The following SAMD4B variants were observed in gnomAD, a reference collection of about 807,000 sequenced individuals.
SAMD4B encodes sterile alpha motif domain containing 4B, also known as protein Smaug homolog 2.
SAMD4B carries 5 observed loss-of-function variants against 74.5 expected under a neutral mutation model. The ratio of observed to expected loss-of-function variants is 0.07; its 90% confidence interval spans 0.04 to 0.14. The LOEUF is 0.14. Ranked by LOEUF, SAMD4B falls within the 10% of genes least tolerant of loss-of-function variation. The pLI is 1.00. For missense variants in SAMD4B, 608 were observed against 921.8 expected (o/e 0.66, Z 4.41); for synonymous variants, 373 against 374.9 (o/e 1.00, Z 0.06).
downstream of SAMD4B, among the ~76,000 whole-genome samples, chr19:39,388,167 C>T (rs1230930373): frequency 7.2e-5 from 11 of 152,100 alleles, no homozygotes. Context: ...TTTCTGGCTC[C>T]TCCTGTTAGA....
chr19:39,355,938 G>A (rs1374924219), intron 2 of SAMD4B, among the ~76,000 whole-genome samples: 1 of 152,170 alleles, frequency 6.6e-6, no homozygotes, highest in Non-Finnish European at 1.5e-5. Flanking sequence ...GGCAGGGAGC[G>A]ATTCACCTCA....
At chr19:39,351,973 T>A (rs1482274485) in intron 1 of SAMD4B, 1 of 152,264 alleles carries the variant, frequency 6.6e-6, no homozygotes, top group Non-Finnish European at 1.5e-5. Flanking sequence ...CACAGTGAGA[T>A]GCCTCACCCA....
chr19:39,344,268 C>A (rs887696920), intron 1 of SAMD4B, among the ~76,000 whole-genome samples: 23 of 152,118 alleles, frequency 1.5e-4, no homozygotes, highest in Admixed American at 5.9e-4. Flanking sequence ...ATAATTCTTT[C>A]TGAAAAACCC....
downstream of SAMD4B, chr19:39,389,505 TCTC>T: frequency 6.2e-7 from 1 of 1,614,154 alleles, no homozygotes; most frequent in South Asian, 1.1e-5. This position sits in a 1 kb window ranked among gnomAD's most constrained non-coding sequence, Gnocchi z 5.3. Context: ...GGGGCCTGAA[TCTC>T]CTCTTCCAAA....
intron 3 of SAMD4B, among the ~76,000 whole-genome samples, chr19:39,364,387 A>C (rs2076830361): frequency 6.6e-6 from 1 of 152,196 alleles, no homozygotes; most frequent in Admixed American, 6.5e-5. Context: ...AACACCCGTC[A>C]CTGAGCCACA....
At position 39,383,581 on chromosome 19, in the gene SAMD4B, A is replaced by C; in HGVS notation, c.*54A>C. The C allele has an allele frequency of 6.2e-7, 1 of 1,614,178 alleles. No individual in the cohort carries two copies. The highest frequency in any genetic ancestry group is 1.3e-5 in the African/African-American group (1 of 75,076). On this transcript the variant is annotated 3_prime_UTR_variant, in exon 14 of 14. Transcript: ENST00000610417. This position sits in a 1 kb window ranked among gnomAD's most constrained non-coding sequence, Gnocchi z 4.1. ...GCTCCCTGGGCGGCGGGCGGGGGCCAACCCCCAACGGGCTTCTCCGCGACA... is the reference window on the plus strand; with the variant it reads ...GCTCCCTGGGCGGCGGGCGGGGGCCCACCCCCAACGGGCTTCTCCGCGACA...
rs764516762 is a variant in SAMD4B at position 39,357,034 on chromosome 19, C to T, written c.141C>T (p.His47=). The change falls in exon 3 of 14, where the codon CAC becomes CAT. Residue 47 remains histidine (H), a synonymous_variant. Coordinates refer to ENST00000610417, the MANE Select transcript of SAMD4B (RefSeq NM_001384574.2). Reference sequence around the variant, plus strand: ...GCTTCCTGCAGCTCTGCCTGGAGCACTCACTGGCGGACTGCAATGACATCC... The same window carrying T: ...GCTTCCTGCAGCTCTGCCTGGAGCATTCACTGGCGGACTGCAATGACATCC... ...QARFLQLCLE[H]SLADCNDIHL... 4.3e-6 allele frequency: 7 copies of T among 1,614,048 alleles called. No individual in the cohort carries two copies. Among genetic ancestry groups the T allele is most frequent in the Non-Finnish European group, 5.9e-6 (7 of 1,179,926 alleles).
rs751189639 is a variant in SAMD4B, at chr19:39,375,773, C to T, written c.791C>T (p.Thr264Met). 7.0e-5 allele frequency: 113 copies of T among 1,614,058 alleles called. No homozygotes were observed. Among genetic ancestry groups the T allele is most frequent in the Middle Eastern group, 1.6e-4 (1 of 6,084 alleles). The change falls in exon 5 of 14, where the codon ACG (threonine) becomes ATG (methionine). Residue 264 changes from threonine to methionine, a missense_variant. By Grantham distance (81) the Thr-to-Met change is moderately conservative (BLOSUM62 -1). This residue lies in a region of SAMD4B where 31 missense variants were observed against 43.4 expected (regional missense o/e 0.71). Transcript: ENST00000610417. The surrounding 1 kb of genome is among the most constrained non-coding windows in gnomAD (Gnocchi z 4.1). The stretch of plus-strand genomic sequence containing the variant: ...CTTGGGGCCCGGGCTGCTTTTACCA[C>T]GCCCGATCACGCACCTCTCTCGCCC... ...EELGARAAFTTPDHAPLSPQS... is the reference protein window; with the variant it reads ...EELGARAAFTMPDHAPLSPQS...
chr19:39,352,810 G>T (rs756868038), intron 1 of SAMD4B, among the ~76,000 whole-genome samples: 10 of 152,186 alleles, frequency 6.6e-5, no homozygotes, highest in African/African-American at 9.7e-5. Context: ...CCCAGTAAAA[G>T]AATTTATGGG....
intron 3 of SAMD4B, 88 bp downstream of exon 3, chr19:39,357,177 G>A (rs2076382043): frequency 8.1e-7 from 1 of 1,238,178 alleles, no homozygotes; most frequent in African/African-American, 1.5e-5. Flanking sequence ...CCCAACAATG[G>A]GACTAAAAAA....
At chr19:39,356,656 C>T in intron 2 of SAMD4B, 33 bp from the exon 3 acceptor site, 2 of 434,634 alleles carry the variant, frequency 4.6e-6, no homozygotes, top group South Asian at 4.2e-5. Flanking sequence ...TCAGCCCCTT[C>T]TTTCTGTTTG....
downstream of SAMD4B, chr19:39,388,293 TAAG>T: frequency 1.9e-6 from 3 of 1,610,188 alleles, no homozygotes; most frequent in Non-Finnish European, 2.5e-6. Flanking sequence ...CCCAGGGTCT[TAAG>T]AAGCACAGAT....
chr19:39,352,517 G>A (rs929014681), intron 1 of SAMD4B: 3 of 149,136 alleles, frequency 2.0e-5, no homozygotes, highest in Non-Finnish European at 4.4e-5. Context: ...AACCTAAGAC[G>A]TAACAATACT....
chr19:39,375,804 C>T lies in SAMD4B; in HGVS notation c.822C>T (p.Ser274=). The T allele has an allele frequency of 6.2e-7, 1 of 1,613,972 alleles. No individual in the cohort carries two copies. Among genetic ancestry groups the T allele is most frequent in the Non-Finnish European group, 8.5e-7 (1 of 1,180,024 alleles). ...TPDHAPLSPQ[S]SVASSGSEQT... ...ATCACGCACCTCTCTCGCCCCAGAG[C>T]AGCGTGGCCTCCTCTGGCAGTGAGC... Residue 274 remains serine, a synonymous_variant, in exon 5 of 14, where the codon AGC becomes AGT. Coordinates refer to ENST00000610417, the MANE Select transcript of SAMD4B (RefSeq NM_001384574.2). The surrounding 1 kb of genome is among the most constrained non-coding windows in gnomAD (Gnocchi z 4.1).
intron 3 of SAMD4B, chr19:39,369,414 C>T (rs2077159622): frequency 5.6e-6 from 3 of 532,764 alleles, no homozygotes; most frequent in Admixed American, 3.3e-5. Flanking sequence ...AGCCACTGCA[C>T]TGCAGCCTGG....
chr19:39,348,993 T>C (rs2075862478), intron 1 of SAMD4B, among the ~76,000 whole-genome samples: 1 of 152,306 alleles, frequency 6.6e-6, no homozygotes, highest in South Asian at 2.1e-4. Context: ...GGTACTATTA[T>C]TACACCCACA....
Position 39,356,840 on chromosome 19 carries a change from C to T in SAMD4B, c.-54C>T, listed in dbSNP as rs762218159. 4 of 1,467,754 alleles carry T rather than the reference C, an allele frequency of 2.7e-6. No individual in the cohort carries two copies. Among genetic ancestry groups the T allele is most frequent in the South Asian group, 1.3e-5 (1 of 77,806 alleles). 90.9% of individuals were successfully genotyped at this position (1,467,754 alleles called of 1,614,324 possible). ...GGAGGCCAGAGCCGGGACCATGTGA[C>T]GGCGCTGGCCCTCGCCACCGCCGTC... On this transcript the variant is annotated 5_prime_UTR_variant, in exon 3 of 14. It adds an upstream start codon to the 5' untranslated region. Coordinates refer to ENST00000610417, the MANE Select transcript of SAMD4B (RefSeq NM_001384574.2).
At chr19:39,390,294 T>G (rs753327303), downstream of SAMD4B, 1 of 1,610,514 alleles carries the variant, frequency 6.2e-7, no homozygotes, top group Non-Finnish European at 8.5e-7. Flanking sequence ...TTGGGCCTAG[T>G]GGAGAAGAAA....
intron 3 of SAMD4B, among the ~76,000 whole-genome samples, chr19:39,368,252 G>A (rs984526494): frequency 6.6e-6 from 1 of 152,086 alleles, no homozygotes; most frequent in African/African-American, 2.4e-5. Context: ...ATCTCCACAG[G>A]GTAGACTCAG....
Sources: allele counts gnomAD v4.1 joint callset (sites outside exome capture counted in the v4.1 genomes callset), GRCh38; gene constraint gnomAD v4.1.1; regional missense constraint gnomAD v4.1.1; non-coding constraint Gnocchi (gnomAD v3.1); transcripts MANE v1.5; gene names NCBI Gene and HGNC (gene_info 2026-07-23, HGNC 2026-07-21).